Variants in ZNF521 observed in about 807,000 individuals in gnomAD.
ZNF521 encodes the protein zinc finger protein 521.
A neutral mutation model predicts 105.5 loss-of-function variants in ZNF521; 14 were observed. The observed-to-expected ratio is 0.13, with a 90% confidence interval of 0.09 to 0.21. The LOEUF (loss-of-function observed/expected upper bound fraction) is 0.21, where lower values mean the gene tolerates loss of function less well. Among genes scored for constraint, ZNF521 ranks in the 10% least tolerant of loss-of-function variants. The pLI is 1.00. For missense variants in ZNF521, 1,233 were observed against 1,629.7 expected (o/e 0.76, Z 4.19); for synonymous variants, 635 against 606.0 (o/e 1.05, Z -0.70).
chr18:25,166,580 T>C (rs1448603797), intron 5 of ZNF521, among the ~76,000 whole-genome samples: 1 of 152,178 alleles, frequency 6.6e-6, no homozygotes, highest in Non-Finnish European at 1.5e-5. Flanking sequence ...CTTCACTATA[T>C]TGTACACTGT....
intron 2 of ZNF521, among the ~76,000 whole-genome samples, chr18:25,328,939 A>T (rs1913396295): frequency 6.6e-6 from 1 of 152,238 alleles, no homozygotes; most frequent in Non-Finnish European, 1.5e-5. Flanking sequence ...TAATACAAAG[A>T]GTAGTTTGTA....
chr18:25,209,278 C>T (rs979345531), intron 4 of ZNF521, among the ~76,000 whole-genome samples: 21 of 151,978 alleles, frequency 1.4e-4, no homozygotes, highest in South Asian at 6.2e-4. Flanking sequence ...ACTACAGGCG[C>T]GCGCCACCAC....
At chr18:25,063,620 C>T (rs1035603434) in intron 7 of ZNF521, among the ~76,000 whole-genome samples, 3 of 152,140 alleles carry the variant, frequency 2.0e-5, no homozygotes, top group Admixed American at 6.6e-5. Context: ...GGTCATTCAG[C>T]CTGTATTCAG....
chr18:25,112,167 T>C (rs923441362), intron 5 of ZNF521, among the ~76,000 whole-genome samples: 1 of 152,146 alleles, frequency 6.6e-6, no homozygotes, highest in African/African-American at 2.4e-5. Context: ...AATAAATAAA[T>C]AAGTGCATGC....
At chr18:25,098,536 T>A (rs576732971) in intron 5 of ZNF521, among the ~76,000 whole-genome samples, 1 of 151,808 alleles carries the variant, frequency 6.6e-6, no homozygotes, top group East Asian at 1.9e-4. Context: ...AAGAAAAAAA[T>A]TGTTAGCCAA....
chr18:25,350,227 G>C (rs900910499), intron 2 of ZNF521, among the ~76,000 whole-genome samples: 4 of 152,134 alleles, frequency 2.6e-5, no homozygotes, highest in African/African-American at 7.2e-5. Context: ...GAAACGCAAA[G>C]GACTCCAGGG....
chr18:25,290,556 C>G (rs945245622), intron 3 of ZNF521, among the ~76,000 whole-genome samples: 1 of 150,726 alleles, frequency 6.6e-6, no homozygotes, highest in African/African-American at 2.4e-5. Flanking sequence ...AGAGCAATTT[C>G]TACTTCTATT....
chr18:25,252,537 T>C (rs546330984), intron 3 of ZNF521, among the ~76,000 whole-genome samples: 2 of 152,276 alleles, frequency 1.3e-5, no homozygotes, highest in East Asian at 1.9e-4. Context: ...CTTTTTTTTT[T>C]TCTTGAACAA....
chr18:25,246,578 T>C (rs1232523668), intron 3 of ZNF521, among the ~76,000 whole-genome samples: 2 of 152,244 alleles, frequency 1.3e-5, no homozygotes, highest in African/African-American at 2.4e-5. Context: ...ACTATTCAGT[T>C]ACTGCTTTGG....
At chr18:25,171,412 T>C (rs1410318033) in intron 5 of ZNF521, among the ~76,000 whole-genome samples, 2 of 152,106 alleles carry the variant, frequency 1.3e-5, no homozygotes, top group Admixed American at 6.6e-5. Context: ...AAGAAAGTTA[T>C]GGAATATCAA....
intron 5 of ZNF521, among the ~76,000 whole-genome samples, chr18:25,133,852 G>A (rs1296482553): frequency 6.6e-6 from 1 of 151,862 alleles, no homozygotes; most frequent in East Asian, 1.9e-4. Flanking sequence ...GGTATAATGT[G>A]TAGACTTATT....
chr18:25,211,765 T>C (rs1299731065), intron 4 of ZNF521, among the ~76,000 whole-genome samples: 2 of 152,352 alleles, frequency 1.3e-5, no homozygotes, highest in African/African-American at 2.4e-5. Context: ...TGATTTATAT[T>C]GTGTGGGCTT....
At chr18:25,216,830 A>C (rs1255672324) in intron 4 of ZNF521, among the ~76,000 whole-genome samples, 2 of 152,208 alleles carry the variant, frequency 1.3e-5, no homozygotes, top group South Asian at 2.1e-4. Context: ...TGCTGGGATT[A>C]TAGGCATGAG....
chr18:25,205,141 T>TAAAAAAAAAAAAA lies in ZNF521; in HGVS notation c.3574-9910_3574-9898dup, dbSNP rs34563599. On this transcript the variant is annotated intron_variant, in intron 4 of 7. Coordinates refer to ENST00000361524, the MANE Select transcript of ZNF521 (RefSeq NM_015461.3). ...GACTAAATTGATGCCGTAGTGAAGG[T>TAAAAAAAAAAAAA]AAAAAAAAAAAAAAAAAAAAAAAAA... is the stretch of plus-strand genomic sequence containing the variant. Among the ~76,000 whole-genome samples the TAAAAAAAAAAAAA allele has an allele frequency of 5.1e-4, 38 of 74,912 alleles. 2 individuals carry two copies. The highest frequency in any genetic ancestry group is 2.2e-3 in the African/African-American group (36 of 16,070). The allele number at this position is 74,912 out of a possible 152,430, so 49.1% of individuals were successfully genotyped here. A position where few individuals can be genotyped will look rare whatever the true frequency, so the allele number is the denominator to read the frequency against.
chr18:25,329,065 C>T (rs2145169118), intron 2 of ZNF521, among the ~76,000 whole-genome samples: 1 of 152,286 alleles, frequency 6.6e-6, no homozygotes. Flanking sequence ...TTCTTGAGCA[C>T]CTATGTGGTT....
intron 5 of ZNF521, among the ~76,000 whole-genome samples, chr18:25,105,055 C>T (rs1285535702): frequency 6.6e-6 from 1 of 152,090 alleles, no homozygotes; most frequent in African/African-American, 2.4e-5. Flanking sequence ...ATTGCTCTCT[C>T]AATAGGACAG....
chr18:25,181,556 A>T (rs1395398269), intron 5 of ZNF521, among the ~76,000 whole-genome samples: 2 of 152,224 alleles, frequency 1.3e-5, no homozygotes, highest in Non-Finnish European at 2.9e-5. Context: ...TATAATTTAT[A>T]ATGGAGCTGC....
chr18:25,107,166 G>A (rs918500285), intron 5 of ZNF521, among the ~76,000 whole-genome samples: 36 of 152,264 alleles, frequency 2.4e-4, no homozygotes, highest in Admixed American at 6.5e-4. Flanking sequence ...CTATTAAATG[G>A]GAATATCAAG....
chr18:25,205,738 T>C (rs913382519), intron 4 of ZNF521, among the ~76,000 whole-genome samples: 2 of 152,170 alleles, frequency 1.3e-5, no homozygotes, highest in African/African-American at 4.8e-5. Context: ...TAGAATCCAT[T>C]AAGAAATACT....
Sources: allele counts gnomAD v4.1 joint callset (sites outside exome capture counted in the v4.1 genomes callset), GRCh38; gene constraint gnomAD v4.1.1; transcripts MANE v1.5; gene names NCBI Gene and HGNC (gene_info 2026-07-23, HGNC 2026-07-21).